DCDC1: variants seen among roughly 807,000 people sequenced by gnomAD.
The protein encoded by DCDC1 is doublecortin domain containing 1.
A neutral mutation model predicts 178.3 loss-of-function variants in DCDC1; 200 were observed. The observed-to-expected ratio is 1.12, with a 90% confidence interval of 1.00 to 1.26. The LOEUF is 1.26. DCDC1 is among the 50% of genes most tolerant of loss of function. The pLI is 0.00. For synonymous variants in DCDC1, 690 were observed against 604.8 expected, an observed-to-expected ratio of 1.14 and a Z score of -2.07; for missense variants, 1,983 against 1,749.2, an observed-to-expected ratio of 1.13 and a Z score of -2.38.
chr11:31,133,807 G>T (rs1236743509), intron 10 of DCDC1, among the ~76,000 whole-genome samples: 1 of 152,114 alleles, frequency 6.6e-6, no homozygotes, highest in Non-Finnish European at 1.5e-5. Flanking sequence ...GGGTTCAAGT[G>T]ATTCTCCTGC....
chr11:31,111,604 A>G (rs570851084), intron 11 of DCDC1, among the ~76,000 whole-genome samples: 2 of 152,268 alleles, frequency 1.3e-5, no homozygotes, highest in East Asian at 1.9e-4. Context: ...CTACTTTTCC[A>G]AGGAAACTGG....
intron 27 of DCDC1, 60 bp downstream of exon 27, chr11:30,915,451 T>C (rs1024475612): frequency 1.3e-6 from 2 of 1,582,684 alleles, no homozygotes; most frequent in Non-Finnish European, 1.7e-6. Flanking sequence ...GGGACCATGC[T>C]AGACTTATTA....
intron 7 of DCDC1, among the ~76,000 whole-genome samples, chr11:31,287,941 A>C (rs1946955944): frequency 6.6e-6 from 1 of 150,992 alleles, no homozygotes; most frequent in South Asian, 2.1e-4. Flanking sequence ...TCATTTCATT[A>C]TCTTTTTCAT....
intron 28 of DCDC1, among the ~76,000 whole-genome samples, chr11:30,909,971 C>T (rs929958202): frequency 1.3e-5 from 2 of 152,054 alleles, no homozygotes; most frequent in Non-Finnish European, 2.9e-5. Flanking sequence ...CAAGCGAGAG[C>T]TTAATAGCAA....
intron 18 of DCDC1, among the ~76,000 whole-genome samples, chr11:31,072,420 A>C (rs1374198923): frequency 6.6e-6 from 1 of 151,942 alleles, no homozygotes; most frequent in Non-Finnish European, 1.5e-5. Flanking sequence ...ATTATTTTAG[A>C]TTTAGGAGTT....
At chr11:30,946,890 G>A (rs945391356) in intron 21 of DCDC1, among the ~76,000 whole-genome samples, 4 of 152,160 alleles carry the variant, frequency 2.6e-5, no homozygotes. Flanking sequence ...AAGGGCTCAG[G>A]ACACATATTC....
intron 9 of DCDC1, among the ~76,000 whole-genome samples, chr11:31,156,793 T>C (rs1023799691): frequency 4.6e-5 from 7 of 152,206 alleles, no homozygotes; most frequent in African/African-American, 1.7e-4. Flanking sequence ...AGATGATAAC[T>C]GCCACTCAGC....
chr11:31,271,900 T>A (rs542870596), intron 7 of DCDC1, among the ~76,000 whole-genome samples: 2 of 152,176 alleles, frequency 1.3e-5, no homozygotes, highest in East Asian at 3.9e-4. Flanking sequence ...TGGTAGCTCA[T>A]GCCTGTAATC....
intron 18 of DCDC1, among the ~76,000 whole-genome samples, chr11:31,069,124 T>A (rs1000359253): frequency 6.6e-6 from 1 of 152,176 alleles, no homozygotes; most frequent in African/African-American, 2.4e-5. Flanking sequence ...GTGCTGGGAT[T>A]ACAGGCATGA....
intron 1 of DCDC1, among the ~76,000 whole-genome samples, chr11:31,367,905 C>G (rs1003976354): frequency 1.3e-5 from 2 of 152,064 alleles, no homozygotes; most frequent in Non-Finnish European, 2.9e-5. Flanking sequence ...TGTTCTCATT[C>G]AGTAAGCCAA....
intron 1 of DCDC1, among the ~76,000 whole-genome samples, chr11:31,366,118 C>T (rs1951945044): frequency 6.6e-6 from 1 of 152,036 alleles, no homozygotes; most frequent in African/African-American, 2.4e-5. Flanking sequence ...TCCCATATTA[C>T]AGAGGAAGAA....
At chr11:31,091,289 T>C (rs982728302) in intron 17 of DCDC1, 104 bp downstream of exon 17, 2 of 571,920 alleles carry the variant, frequency 3.5e-6, no homozygotes, top group South Asian at 2.3e-5. Context: ...AATTTAAACA[T>C]TGAATGAATA....
chr11:31,017,150 A>G (rs1590770694), intron 20 of DCDC1, among the ~76,000 whole-genome samples: 1 of 152,248 alleles, frequency 6.6e-6, no homozygotes. Context: ...AAGATTAGCT[A>G]AAGAATAAAG....
chr11:31,014,045 A>T (rs189898316), intron 20 of DCDC1, among the ~76,000 whole-genome samples: 21 of 152,268 alleles, frequency 1.4e-4, no homozygotes, highest in African/African-American at 5.1e-4. Context: ...CAAAATTCCT[A>T]TGTCAAAACC....
At chr11:30,913,365 T>C (rs145519204) in intron 27 of DCDC1, among the ~76,000 whole-genome samples, 1 of 151,630 alleles carries the variant, frequency 6.6e-6, no homozygotes, top group African/African-American at 2.4e-5. Flanking sequence ...GCCGAGATCA[T>C]GCCACTGCAC....
At chr11:30,926,698 C>T (rs1168571232) in intron 22 of DCDC1, among the ~76,000 whole-genome samples, 1 of 152,160 alleles carries the variant, frequency 6.6e-6, no homozygotes, top group Non-Finnish European at 1.5e-5. Flanking sequence ...TGCTCATCAT[C>T]AAGACATAGC....
intron 7 of DCDC1, among the ~76,000 whole-genome samples, chr11:31,282,533 A>C (rs960705198): frequency 2.0e-5 from 3 of 152,086 alleles, no homozygotes; most frequent in African/African-American, 7.2e-5. Flanking sequence ...TTGGTTATTT[A>C]TTTCTAATTT....
intron 21 of DCDC1, among the ~76,000 whole-genome samples, chr11:30,951,062 GAA>G (rs1159300013): frequency 6.6e-6 from 1 of 151,982 alleles, no homozygotes; most frequent in African/African-American, 2.4e-5. Flanking sequence ...ATATAAGAGA[GAA>G]AATATTTGAA....
chr11:31,127,774 G>GT, intron 10 of DCDC1, 135 bp from the exon 11 acceptor site: 1 of 559,734 alleles, frequency 1.8e-6, no homozygotes, highest in Non-Finnish European at 3.2e-6. Context: ...CTATCCTCAA[G>GT]TAAAAACAAT....
Sources: allele counts gnomAD v4.1 joint callset (sites outside exome capture counted in the v4.1 genomes callset), GRCh38; gene constraint gnomAD v4.1.1; transcripts MANE v1.5; gene names NCBI Gene and HGNC (gene_info 2026-07-23, HGNC 2026-07-21).